The following COL25A1 variants were observed in gnomAD, a reference collection of about 807,000 sequenced individuals.
COL25A1 encodes the protein collagen alpha-1(XXV) chain.
Under a neutral mutation model 128.4 loss-of-function variants are expected in COL25A1, and 103 were observed. That is an observed-to-expected ratio of 0.80 (90% CI 0.68 to 0.94). The LOEUF (loss-of-function observed/expected upper bound fraction) is 0.94, where lower values mean the gene tolerates loss of function less well. COL25A1 is among the 40% of genes least tolerant of loss of function. COL25A1 has a pLI of 0.00. For synonymous variants in COL25A1, 279 were observed against 277.2 expected (o/e 1.01, Z -0.06); for missense variants, 745 against 840.0 (o/e 0.89, Z 1.40).
intron 3 of COL25A1, among the ~76,000 whole-genome samples, chr4:109,299,490 C>T (rs1253177965): frequency 1.3e-5 from 2 of 152,056 alleles, no homozygotes; most frequent in Non-Finnish European, 2.9e-5. Flanking sequence ...TAAGGTACAA[C>T]CTGGAGTTGA....
chr4:109,189,461 T>C (rs1220208605), intron 3 of COL25A1, among the ~76,000 whole-genome samples: 1 of 138,746 alleles, frequency 7.2e-6, no homozygotes, highest in African/African-American at 2.8e-5. Context: ...GGCAGGAGAA[T>C]GGCATGAACC....
At chr4:108,964,233 G>A (rs1751054644) in intron 8 of COL25A1, among the ~76,000 whole-genome samples, 3 of 151,378 alleles carry the variant, frequency 2.0e-5, no homozygotes, top group Admixed American at 1.3e-4. Flanking sequence ...TAAACTGGTT[G>A]GTATCATTTT....
chr4:109,075,996 T>C (rs968060940), intron 3 of COL25A1, among the ~76,000 whole-genome samples: 1 of 152,230 alleles, frequency 6.6e-6, no homozygotes, highest in Non-Finnish European at 1.5e-5. Flanking sequence ...TTTTCTTTTT[T>C]ATCATTATTC....
rs545014763 is a variant in COL25A1 at position 109,037,795 on chromosome 4, C to T, written c.420+10373G>A. ...AAATAGCACAATTTTATCAGTCCTGCCTTCTTCATGGGGTCATAGCATCAA... is the reference window on the plus strand; with the variant it reads ...AAATAGCACAATTTTATCAGTCCTGTCTTCTTCATGGGGTCATAGCATCAA... On this transcript the variant is annotated intron_variant, in intron 5 of 37. Coordinates refer to ENST00000399132, the MANE Select transcript of COL25A1 (RefSeq NM_198721.4). Among the ~76,000 whole-genome samples, 130 of 152,262 alleles carry T rather than the reference C, an allele frequency of 8.5e-4. 1 individual carries two copies. The highest frequency in any genetic ancestry group is 6.8e-3 in the Middle Eastern group (2 of 294).
chr4:109,028,249 C>T (rs1758502236), intron 5 of COL25A1, among the ~76,000 whole-genome samples: 1 of 152,172 alleles, frequency 6.6e-6, no homozygotes, highest in Non-Finnish European at 1.5e-5. Context: ...GCTAGGACTA[C>T]AGCCACGTAC....
At chr4:109,012,511 C>T (rs1561023035) in intron 5 of COL25A1, among the ~76,000 whole-genome samples, 1 of 152,174 alleles carries the variant, frequency 6.6e-6, no homozygotes, top group African/African-American at 2.4e-5. Context: ...GCGTGCAGCG[C>T]TCGTGGGCCA....
chr4:108,876,877 TC>T (rs1330647134), intron 19 of COL25A1, among the ~76,000 whole-genome samples: 3 of 152,242 alleles, frequency 2.0e-5, no homozygotes, highest in Non-Finnish European at 4.4e-5. Context: ...CTTTGGTTAT[TC>T]TTAACATTAA....
intron 3 of COL25A1, among the ~76,000 whole-genome samples, chr4:109,202,737 T>C (rs1776661523): frequency 6.6e-6 from 1 of 152,204 alleles, no homozygotes; most frequent in African/African-American, 2.4e-5. Flanking sequence ...TATCGATCAA[T>C]TGATCATTCT....
intron 3 of COL25A1, among the ~76,000 whole-genome samples, chr4:109,151,411 G>A (rs1379264317): frequency 6.6e-6 from 1 of 151,890 alleles, no homozygotes; most frequent in Non-Finnish European, 1.5e-5. Flanking sequence ...CACAAAATAA[G>A]CACAGAACCT....
intron 3 of COL25A1, among the ~76,000 whole-genome samples, chr4:109,121,646 C>A (rs1768115458): frequency 3.9e-5 from 6 of 152,082 alleles, no homozygotes; most frequent in Admixed American, 3.9e-4. Context: ...AGATGTGGAG[C>A]AGAAGGGACT....
intron 11 of COL25A1, among the ~76,000 whole-genome samples, chr4:108,922,056 C>G (rs1164814386): frequency 6.6e-6 from 1 of 152,120 alleles, no homozygotes. Flanking sequence ...CTGGTATACT[C>G]TGGAATCCAT....
chr4:108,895,905 C>T (rs7675052), intron 16 of COL25A1, among the ~76,000 whole-genome samples: 78,372 of 145,520 alleles, frequency 0.54, 22,272 homozygotes, highest in East Asian at 0.93. Context: ...CCCCAAAGTC[C>T]ATTATATATC....
chr4:108,850,227 G>A (rs1735608367), intron 26 of COL25A1, among the ~76,000 whole-genome samples: 1 of 152,118 alleles, frequency 6.6e-6, no homozygotes, highest in Non-Finnish European at 1.5e-5. Context: ...TATTTGATGT[G>A]TAGGGAATCA....
intron 19 of COL25A1, among the ~76,000 whole-genome samples, chr4:108,872,272 C>T (rs1004016452): frequency 6.6e-6 from 1 of 151,948 alleles, no homozygotes; most frequent in Non-Finnish European, 1.5e-5. Flanking sequence ...AAAAACTAGC[C>T]GGGAATGGTG....
rs776817895 is a variant in COL25A1 at position 109,300,572 on chromosome 4, T to C, written c.367+11A>G. The C allele has an allele frequency of 1.3e-6, 2 of 1,588,264 alleles. No homozygotes were observed. The highest frequency in any genetic ancestry group is 1.7e-6 in the Non-Finnish European group (2 of 1,156,432). ...TCTGGAGGAAACCTTGTTAAATAAG[T>C]TCCATTTTACCTGCTGGGCAGTTAC... On this transcript the variant is annotated intron_variant, in intron 3 of 37. Transcript: ENST00000399132.
At chr4:109,017,251 C>G (rs1266650294) in intron 5 of COL25A1, among the ~76,000 whole-genome samples, 2 of 152,238 alleles carry the variant, frequency 1.3e-5, no homozygotes, top group Admixed American at 1.3e-4. Context: ...TGGCTGTGTG[C>G]AATGGCTGGA....
chr4:108,919,005 C>T (rs930877817), intron 12 of COL25A1, among the ~76,000 whole-genome samples: 24 of 152,192 alleles, frequency 1.6e-4, no homozygotes, highest in Non-Finnish European at 2.9e-4. Flanking sequence ...GATGTCATTT[C>T]CCTCCATTAC....
At chr4:108,917,386 C>A (rs1745000366) in intron 13 of COL25A1, among the ~76,000 whole-genome samples, 1 of 152,114 alleles carries the variant, frequency 6.6e-6, no homozygotes, top group Admixed American at 6.5e-5. Flanking sequence ...ATAAAAGGGC[C>A]AGGCCAAGAA....
At chr4:109,183,116 T>C (rs1218008707) in intron 3 of COL25A1, among the ~76,000 whole-genome samples, 3 of 152,120 alleles carry the variant, frequency 2.0e-5, no homozygotes, top group African/African-American at 7.2e-5. Context: ...ATATATGACA[T>C]TAACCTCAGT....
Sources: allele counts gnomAD v4.1 joint callset (sites outside exome capture counted in the v4.1 genomes callset), GRCh38; gene constraint gnomAD v4.1.1; transcripts MANE v1.5; gene names NCBI Gene and HGNC (gene_info 2026-07-23, HGNC 2026-07-21).